SLCO1A2: variants seen among roughly 807,000 people sequenced by gnomAD.
The protein encoded by SLCO1A2 is OATP-1.
In SLCO1A2, 67 loss-of-function variants were observed where a neutral mutation model predicts 69.0. The observed-to-expected ratio is 0.97, with a 90% CI of 0.80 to 1.19. SLCO1A2 has a LOEUF of 1.19. Among genes scored for constraint, SLCO1A2 ranks in the 50% most tolerant of loss-of-function variants. The pLI is 0.00. For missense variants in SLCO1A2, 787 were observed against 793.7 expected (o/e 0.99, Z 0.10); for synonymous variants, 260 against 265.9 (o/e 0.98, Z 0.22).
At chr12:21,291,651 T>G (rs1241391870) in intron 12 of SLCO1A2, among the ~76,000 whole-genome samples, 1 of 152,200 alleles carries the variant, frequency 6.6e-6, no homozygotes, top group East Asian at 1.9e-4. Flanking sequence ...TTTTAGAAAG[T>G]CTTTCAGCAT....
intron 5 of SLCO1A2, 117 bp downstream of exon 5, chr12:21,306,765 A>C (rs1949453028): frequency 3.3e-6 from 2 of 602,510 alleles, no homozygotes; most frequent in African/African-American, 3.7e-5. Flanking sequence ...GTTCCTGGAG[A>C]GAGAACATAT....
At chr12:21,328,949 G>T (rs150127534) in intron 2 of SLCO1A2, among the ~76,000 whole-genome samples, 1 of 152,262 alleles carries the variant, frequency 6.6e-6, no homozygotes, top group East Asian at 1.9e-4. Flanking sequence ...ATTATCTGGG[G>T]TGCTCCACTT....
chr12:21,287,504 T>G (rs1256403761), intron 12 of SLCO1A2, among the ~76,000 whole-genome samples: 1 of 142,924 alleles, frequency 7.0e-6, no homozygotes, highest in Non-Finnish European at 1.5e-5. Flanking sequence ...AGCCATCCCA[T>G]TACTGGGTAT....
chr12:21,401,262 A>T (rs1467093014), intron 1 of SLCO1A2, among the ~76,000 whole-genome samples: 1 of 151,908 alleles, frequency 6.6e-6, no homozygotes, highest in Non-Finnish European at 1.5e-5. Context: ...AGAATTTGAT[A>T]CAGCAACATG....
chr12:21,282,222 A>G (rs1944928405), intron 12 of SLCO1A2, among the ~76,000 whole-genome samples: 1 of 152,160 alleles, frequency 6.6e-6, no homozygotes, highest in African/African-American at 2.4e-5. Flanking sequence ...ACACATTAAG[A>G]AGATCATTCA....
rs911078453 is a variant in SLCO1A2 at position 21,295,686 on chromosome 12, T to A, written c.1182A>T (p.Leu394Phe). ...VKQAAHIGCW[L>F]SLLEYLLYFL... ...AATAGAGAAGATACTCAAGTAAGGA[T>A]AACCAACATCCTATGTGGGCAGCTT... Residue 394 changes from leucine (L) to phenylalanine (F), a missense_variant, in exon 10 of 15, where the codon TTA becomes TTT. By Grantham distance (22) the Leu-to-Phe change is conservative. Coordinates refer to ENST00000683939, the MANE Select transcript of SLCO1A2 (RefSeq NM_001386879.1). 2 of 1,608,236 alleles carry A rather than the reference T, an allele frequency of 1.2e-6. No individual in the cohort carries two copies. The highest frequency in any genetic ancestry group is 2.7e-5 in the African/African-American group (2 of 74,906).
intron 2 of SLCO1A2, among the ~76,000 whole-genome samples, chr12:21,360,200 T>C (rs1938719385): frequency 6.6e-6 from 1 of 152,028 alleles, no homozygotes; most frequent in Non-Finnish European, 1.5e-5. Context: ...CAAGACAACA[T>C]TTTAGAAGGA....
chr12:21,300,070 GTA>G (rs1294736455), intron 8 of SLCO1A2, among the ~76,000 whole-genome samples: 1 of 148,456 alleles, frequency 6.7e-6, no homozygotes, highest in Non-Finnish European at 1.5e-5. Flanking sequence ...ATATGTGTGT[GTA>G]TATATATATG....
At chr12:21,297,007 A>T (rs1200673312) in intron 9 of SLCO1A2, among the ~76,000 whole-genome samples, 1 of 152,170 alleles carries the variant, frequency 6.6e-6, no homozygotes, top group Non-Finnish European at 1.5e-5. Context: ...AAAAAATTAA[A>T]TTAGGAGGAA....
intron 2 of SLCO1A2, among the ~76,000 whole-genome samples, chr12:21,322,059 C>T (rs1951703077): frequency 1.3e-5 from 2 of 152,164 alleles, no homozygotes; most frequent in South Asian, 4.1e-4. Flanking sequence ...GTATCAAAAA[C>T]ATCTTGAAGA....
intron 1 of SLCO1A2, among the ~76,000 whole-genome samples, chr12:21,388,346 G>T (rs746487977): frequency 1.8e-4 from 27 of 152,076 alleles, no homozygotes; most frequent in Non-Finnish European, 3.1e-4. Context: ...TTGAATTGTA[G>T]CTCCCATAAT....
In SLCO1A2 at chr12:21,269,491, A is replaced by T; in HGVS notation, c.*57T>A. On this transcript the variant is annotated 3_prime_UTR_variant, in exon 15 of 15. Transcript: ENST00000683939. Reference sequence around the variant, plus strand: ...TATTATATCTCTACTGATTTTTAAAACAATTAAGTTGTACAGCATGTTCTC... The same window carrying T: ...TATTATATCTCTACTGATTTTTAAATCAATTAAGTTGTACAGCATGTTCTC... 1 of 1,316,552 alleles carries T rather than the reference A, an allele frequency of 7.6e-7. No individual in the cohort carries two copies. The highest frequency in any genetic ancestry group is 1.1e-6 in the Non-Finnish European group (1 of 943,218). 81.6% of individuals were successfully genotyped at this position (1,316,552 alleles called of 1,614,324 possible).
intron 2 of SLCO1A2, among the ~76,000 whole-genome samples, chr12:21,360,475 C>T (rs1302851263): frequency 6.6e-6 from 1 of 152,198 alleles, no homozygotes; most frequent in Non-Finnish European, 1.5e-5. Context: ...TCTGCAGCTC[C>T]CAGTGTGAAG....
At chr12:21,311,218 T>C (rs1350748227) in intron 4 of SLCO1A2, among the ~76,000 whole-genome samples, 1 of 152,182 alleles carries the variant, frequency 6.6e-6, no homozygotes, top group Non-Finnish European at 1.5e-5. Flanking sequence ...CTGCAGTGAC[T>C]TCCTCCACTA....
chr12:21,319,382 T>A lies in SLCO1A2; in HGVS notation c.61-459A>T, dbSNP rs762863484. 4 of 1,367,978 alleles carry A rather than the reference T, an allele frequency of 2.9e-6. No homozygotes were observed. The Admixed American group carries it at 7.6e-5, about 26-fold the overall frequency. The allele number at this position is 1,367,978 out of a possible 1,614,324, so 84.7% of individuals were successfully genotyped here. A position where few individuals can be genotyped will look rare whatever the true frequency, so the allele number is the denominator to read the frequency against. ...AGGTCCCCAGATTACCTTGGCCGAC[T>A]CCACTCTTTCCTGTTCTTGCTTGCA... On this transcript the variant is annotated intron_variant, in intron 2 of 14. Transcript: ENST00000683939.
At chr12:21,292,859 G>A (rs895358362) in intron 11 of SLCO1A2, among the ~76,000 whole-genome samples, 2 of 152,088 alleles carry the variant, frequency 1.3e-5, no homozygotes, top group African/African-American at 4.8e-5. Context: ...CTTCCAAAGT[G>A]CTGGGATTCC....
chr12:21,284,394 G>C (rs907800087), intron 12 of SLCO1A2, among the ~76,000 whole-genome samples: 5 of 152,080 alleles, frequency 3.3e-5, no homozygotes, highest in Non-Finnish European at 7.4e-5. Context: ...GTGGGCGCAG[G>C]CCAATACTGA....
chr12:21,277,977 T>C (rs1317979064), intron 12 of SLCO1A2, among the ~76,000 whole-genome samples: 1 of 152,130 alleles, frequency 6.6e-6, no homozygotes, highest in African/African-American at 2.4e-5. Context: ...TTGGATGGCA[T>C]TTCTGAACCT....
intron 2 of SLCO1A2, among the ~76,000 whole-genome samples, chr12:21,343,613 C>T (rs775821890): frequency 2.6e-5 from 4 of 152,090 alleles, no homozygotes; most frequent in Non-Finnish European, 4.4e-5. Context: ...GATTTGTGAA[C>T]ATCTATTTCT....
Sources: gnomAD v4.1 joint callset for allele counts (sites outside exome capture counted in the v4.1 genomes callset) on GRCh38, gnomAD v4.1.1 for gene constraint, MANE v1.5 for transcripts, NCBI Gene and HGNC (gene_info 2026-07-23, HGNC 2026-07-21) for gene names.